TSC22D1: variants seen among roughly 807,000 people sequenced by gnomAD.
The protein encoded by TSC22D1 is TSC22 domain family member 1.
Under a neutral mutation model 74.2 loss-of-function variants are expected in TSC22D1, and 9 were observed. That is an observed-to-expected ratio of 0.12 (90% confidence interval 0.07 to 0.21). The LOEUF is 0.21. Ranked by LOEUF, TSC22D1 falls within the 10% of genes least tolerant of loss-of-function variation. TSC22D1 has a pLI of 1.00. For missense variants in TSC22D1, 1,427 were observed against 1,304.7 expected (o/e 1.09, Z -1.44); for synonymous variants, 586 against 492.5 (o/e 1.19, Z -2.51).
At chr13:44,465,861 C>T (rs1239993513) in intron 1 of TSC22D1, among the ~76,000 whole-genome samples, 1 of 152,044 alleles carries the variant, frequency 6.6e-6, no homozygotes, top group Non-Finnish European at 1.5e-5. Context: ...TAACCCCAGC[C>T]ACTTGGGAGC....
chr13:44,573,975 T>A lies in TSC22D1; in HGVS notation c.2100A>T (p.Ala700=). ...ATGCCCCTGCAGGTTGTGCTGGGACTGCTGTGGGCTGCACTGGCAGCTGGA... is the reference window on the plus strand; with the variant it reads ...ATGCCCCTGCAGGTTGTGCTGGGACAGCTGTGGGCTGCACTGGCAGCTGGA... ...QGIQLPVQPT[A]VPAQPAGASV... The change falls in exon 1 of 3, where the codon GCA becomes GCT. Residue 700 remains alanine (A), a synonymous_variant. Transcript: ENST00000458659. 1 of 1,614,064 alleles carries A rather than the reference T, an allele frequency of 6.2e-7. No individual in the cohort carries two copies. The highest frequency in any genetic ancestry group is 1.1e-5 in the South Asian group (1 of 91,088).
chr13:44,439,014 A>T (rs1280786007), intron 1 of TSC22D1, among the ~76,000 whole-genome samples: 1 of 152,242 alleles, frequency 6.6e-6, no homozygotes, highest in African/African-American at 2.4e-5. Context: ...CTGCAGTTTT[A>T]AAAAATTACT....
chr13:44,561,032 G>C (rs780429078), intron 1 of TSC22D1, among the ~76,000 whole-genome samples: 25 of 152,168 alleles, frequency 1.6e-4, no homozygotes, highest in Non-Finnish European at 3.7e-4. Context: ...AAAAGGATCA[G>C]AAATGCTATG....
intron 1 of TSC22D1, among the ~76,000 whole-genome samples, chr13:44,490,878 C>T (rs1001789260): frequency 6.6e-6 from 1 of 150,984 alleles, no homozygotes. Context: ...GCCTGGGCAA[C>T]AAGGCTGGAG....
chr13:44,432,978 G>A lies in TSC22D1; in HGVS notation c.*1648C>T, dbSNP rs563190310. 3.9e-5 allele frequency: 6 copies of A among 152,246 alleles called. No individual in the cohort carries two copies. The East Asian group carries it at 9.7e-4, about 25-fold the overall frequency. 9.4% of individuals were successfully genotyped at this position (152,246 alleles called of 1,614,324 possible). ...ACTGCAAGGACATCCTTGCTCATCTGGTCCCACCTCAAATCATCTTTTGCT... is the reference window on the plus strand; with the variant it reads ...ACTGCAAGGACATCCTTGCTCATCTAGTCCCACCTCAAATCATCTTTTGCT... On this transcript the variant is annotated 3_prime_UTR_variant, in exon 3 of 3. Coordinates refer to ENST00000458659, the MANE Select transcript of TSC22D1 (RefSeq NM_183422.4).
intron 1 of TSC22D1, among the ~76,000 whole-genome samples, chr13:44,508,604 C>T (rs1879545379): frequency 6.6e-6 from 1 of 152,154 alleles, no homozygotes; most frequent in East Asian, 1.9e-4. Flanking sequence ...TTTAAAGGCA[C>T]ATTAGACTAT....
chr13:44,456,107 G>A (rs893405627), intron 1 of TSC22D1, among the ~76,000 whole-genome samples: 2 of 152,182 alleles, frequency 1.3e-5, no homozygotes. Flanking sequence ...TGGTCTCGCT[G>A]ACTTAAAGAA....
intron 1 of TSC22D1, among the ~76,000 whole-genome samples, chr13:44,503,081 T>G (rs925557300): frequency 2.0e-5 from 3 of 152,228 alleles, no homozygotes; most frequent in Admixed American, 1.3e-4. Flanking sequence ...GTGACTAGCT[T>G]ACATGATATA....
intron 1 of TSC22D1, chr13:44,451,540 A>C (rs1348414627): frequency 1.3e-5 from 2 of 152,272 alleles, no homozygotes; most frequent in African/African-American, 4.8e-5. Flanking sequence ...TTAACTGGAA[A>C]GCGATGGAAA....
At chr13:44,538,509 A>G in intron 1 of TSC22D1, 1 of 985,446 alleles carries the variant, frequency 1.0e-6, no homozygotes, top group Non-Finnish European at 1.2e-6. Context: ...TTTCAATCCC[A>G]CAAATGTTTT....
At chr13:44,541,390 C>A (rs1021444764) in intron 1 of TSC22D1, among the ~76,000 whole-genome samples, 4 of 151,930 alleles carry the variant, frequency 2.6e-5, no homozygotes, top group Non-Finnish European at 4.4e-5. Context: ...GACAGTTTGG[C>A]CTAAGTAAAG....
At position 44,576,266 on chromosome 13, in the gene TSC22D1, C is replaced by A. The variant is rs1363805837; in HGVS notation, c.-192G>T. 2 of 809,108 alleles carry A rather than the reference C, an allele frequency of 2.5e-6. No individual in the cohort carries two copies. The highest frequency in any genetic ancestry group is 3.7e-6 in the Non-Finnish European group (2 of 536,422). 50.1% of individuals were successfully genotyped at this position (809,108 alleles called of 1,614,324 possible). A position where few individuals can be genotyped will look rare whatever the true frequency, so the allele number is the denominator to read the frequency against. ...AGCGAGCTTCGGAAAGGAGGATGAA[C>A]GAGGGTGAACAGGGCGGCCGGGGAC... On this transcript the variant is annotated 5_prime_UTR_variant, in exon 1 of 3. Transcript: ENST00000458659.
chr13:44,573,719 G>C lies in TSC22D1; in HGVS notation c.2356C>G (p.Gln786Glu), dbSNP rs1464074256. The C allele has an allele frequency of 3.1e-6, 5 of 1,614,110 alleles. No individual in the cohort carries two copies. Among genetic ancestry groups the C allele is most frequent in the Non-Finnish European group, 4.2e-6 (5 of 1,180,058 alleles). Reference protein sequence around the residue: ...GVQTSAPSLPQQLVIASQSSL... With the variant: ...GVQTSAPSLPEQLVIASQSSL... ...CTTTGGGATGCAATAACCAATTGTT[G>C]AGGAAGGCTTGGAGCACTAGTTTGA... is the stretch of plus-strand genomic sequence containing the variant. The change falls in exon 1 of 3, where the codon CAA becomes GAA. Residue 786 changes from glutamine to glutamate, a missense_variant. Gln to Glu is a conservative substitution (Grantham distance 29). This residue lies in a region of TSC22D1 where 1,343 missense variants were observed against 1,191.5 expected (regional missense o/e 1.13). Transcript: ENST00000458659.
At chr13:44,435,902 C>T in intron 2 of TSC22D1, 142 bp downstream of exon 2, 2 of 916,814 alleles carry the variant, frequency 2.2e-6, no homozygotes, top group Non-Finnish European at 3.5e-6. Context: ...CCACGCTGGC[C>T]GAATGGAGAC....
At chr13:44,554,473 G>C (rs1285233052) in intron 1 of TSC22D1, among the ~76,000 whole-genome samples, 2 of 152,020 alleles carry the variant, frequency 1.3e-5, no homozygotes, top group Non-Finnish European at 2.9e-5. Context: ...ATCTTATGAT[G>C]CTTGAGTGTA....
intron 1 of TSC22D1, among the ~76,000 whole-genome samples, chr13:44,482,929 T>G (rs757170905): frequency 1.3e-5 from 2 of 152,220 alleles, no homozygotes; most frequent in African/African-American, 2.4e-5. Flanking sequence ...TGCTTCACAA[T>G]TATCCCAAGA....
chr13:44,546,154 T>C (rs1408478105), intron 1 of TSC22D1, among the ~76,000 whole-genome samples: 1 of 152,158 alleles, frequency 6.6e-6, no homozygotes, highest in Admixed American at 6.5e-5. Context: ...CAAAAAAAGA[T>C]GTTAAATAAT....
At position 44,433,123 on chromosome 13, in the gene TSC22D1, C is replaced by G. The variant is rs1397309611; in HGVS notation, c.*1503G>C. On this transcript the variant is annotated 3_prime_UTR_variant, in exon 3 of 3. Transcript: ENST00000458659. ...GCTTCTCCAACTTCCGTCTTTTGAT[C>G]CTAGATCTGCTTATTCCAATTATAC... The G allele has an allele frequency of 6.6e-6, 1 of 152,176 alleles. No individual in the cohort carries two copies. 9.4% of individuals were successfully genotyped at this position (152,176 alleles called of 1,614,324 possible).
At position 44,569,629 on chromosome 13, in the gene TSC22D1, C is replaced by T. The variant is rs937304546; in HGVS notation, c.2912+3534G>A. On this transcript the variant is annotated intron_variant, in intron 1 of 2. Transcript: ENST00000458659. ...TCCTATTTTATAGGTAACACACATG[C>T]GTCTTAAATATTTGAGGACCTACTA... Among the ~76,000 whole-genome samples the T allele has an allele frequency of 6.7e-4, 102 of 152,112 alleles. 4 individuals are homozygous for T. The highest frequency in any genetic ancestry group is 7.4e-5 in the Non-Finnish European group (5 of 68,010).
Sources: allele counts gnomAD v4.1 joint callset (sites outside exome capture counted in the v4.1 genomes callset), GRCh38; gene constraint gnomAD v4.1.1; regional missense constraint gnomAD v4.1.1; transcripts MANE v1.5; gene names NCBI Gene and HGNC (gene_info 2026-07-23, HGNC 2026-07-21).